Variants in MED26 observed in about 807,000 individuals in gnomAD.
MED26 encodes the protein mediator of RNA polymerase II transcription subunit 26.
In MED26, 7 loss-of-function variants were observed where a neutral mutation model predicts 43.7. The observed-to-expected ratio is 0.16, with a 90% CI of 0.09 to 0.30. The LOEUF is 0.30. Among genes scored for constraint, MED26 ranks in the 10% least tolerant of loss-of-function variants. MED26 has a pLI of 1.00. For synonymous variants in MED26, 375 were observed against 371.1 expected (o/e 1.01, Z -0.12); for missense variants, 784 against 840.6 (o/e 0.93, Z 0.83).
Position 16,598,200 on chromosome 19 carries a change from G to A in MED26, c.73-19791C>T, listed in dbSNP as rs183491481. On this transcript the variant is annotated intron_variant, in intron 1 of 2. Transcript: ENST00000263390. ...AAATAAAAAAAAATTAGCCGGGCGA[G>A]GTGGTGCACATCTGTAATTCCAGCT... Among the ~76,000 whole-genome samples the A allele has an allele frequency of 2.2e-4, 33 of 151,856 alleles. 1 individual carries two copies. In the East Asian group the frequency reaches 2.8e-3, roughly 13 times the overall value.
chr19:16,619,614 G>C (rs1341045141), intron 1 of MED26, among the ~76,000 whole-genome samples: 1 of 152,128 alleles, frequency 6.6e-6, no homozygotes, highest in Non-Finnish European at 1.5e-5. Context: ...CAGTGGGGCT[G>C]CCAGGGCCTG....
Position 16,576,722 on chromosome 19 carries a change from C to T in MED26, c.1108G>A (p.Ala370Thr), listed in dbSNP as rs1161946420. ...LSPAEPLLSR[A>T]GFSPDSSKAD... is the part of the protein sequence containing the mutation. ...TTGGAGGAGTCTGGGGAAAAGCCTGCCCGGGACAGGAGGGGCTCGGCTGGG... is the reference window on the plus strand; with the variant it reads ...TTGGAGGAGTCTGGGGAAAAGCCTGTCCGGGACAGGAGGGGCTCGGCTGGG... Residue 370 changes from alanine to threonine, a missense_variant, in exon 3 of 3, where the codon GCA (alanine) becomes ACA (threonine). Ala to Thr is a moderately conservative substitution (Grantham distance 58). Around this residue, in one of 3 missense-constraint regions of MED26, gnomAD observed 719 missense variants for 730.9 expected, o/e 0.98. Coordinates refer to ENST00000263390, the MANE Select transcript of MED26 (RefSeq NM_004831.5). This position sits in a 1 kb window ranked among gnomAD's most constrained non-coding sequence, Gnocchi z 6.8. 1.2e-6 allele frequency: 2 copies of T among 1,612,174 alleles called. No individual in the cohort carries two copies. The highest frequency in any genetic ancestry group is 1.7e-5 in the Admixed American group (1 of 60,018).
At chr19:16,581,358 TGAG>T (rs1449824829) in intron 1 of MED26, among the ~76,000 whole-genome samples, 1 of 152,202 alleles carries the variant, frequency 6.6e-6, no homozygotes, top group South Asian at 2.1e-4. Context: ...GACTGTGCGA[TGAG>T]GAGGCCAGTC....
At chr19:16,584,509 A>G (rs768792062) in intron 1 of MED26, among the ~76,000 whole-genome samples, 2 of 152,276 alleles carry the variant, frequency 1.3e-5, no homozygotes, top group East Asian at 1.9e-4. Flanking sequence ...GGGAGGGGCC[A>G]GCACCCCTCA....
chr19:16,604,806 C>G (rs754813500), intron 1 of MED26, among the ~76,000 whole-genome samples: 6 of 152,230 alleles, frequency 3.9e-5, no homozygotes, highest in Non-Finnish European at 7.3e-5. Context: ...GATTGCGCCA[C>G]CCCTACCCCT....
chr19:16,615,971 G>C (rs2086224457), intron 1 of MED26, among the ~76,000 whole-genome samples: 1 of 152,184 alleles, frequency 6.6e-6, no homozygotes, highest in African/African-American at 2.4e-5. Context: ...TGGGTCACAG[G>C]TCTGTCTCTG....
intron 1 of MED26, among the ~76,000 whole-genome samples, chr19:16,627,370 G>A (rs545403167): frequency 1.3e-5 from 2 of 152,212 alleles, no homozygotes; most frequent in East Asian, 3.9e-4. Context: ...CCGAAGCCAG[G>A]AAGGTGCTGC....
rs763199272 is a variant in MED26 at position 16,577,005 on chromosome 19, A to C, written c.825T>G (p.Pro275=). Residue 275 remains proline (P), a synonymous_variant, in exon 3 of 3, where the codon CCT becomes CCG. Transcript: ENST00000263390. This position sits in a 1 kb window ranked among gnomAD's most constrained non-coding sequence, Gnocchi z 8.1. ...AGGAGCCCTCATGCCGTGAGTTCCGAGGACTGAAAGAGCAGCGAGGGGGTC... is the reference window on the plus strand; with the variant it reads ...AGGAGCCCTCATGCCGTGAGTTCCGCGGACTGAAAGAGCAGCGAGGGGGTC... ...PKGPPRCSFS[P]RNSRHEGSFA... 9 of 1,608,036 alleles carry C rather than the reference A, an allele frequency of 5.6e-6. No individual in the cohort carries two copies. In the South Asian group the frequency reaches 8.8e-5, roughly 16 times the overall value.
rs535707363 is a variant in MED26, at chr19:16,582,586, C to A, written c.73-4177G>T. Among the ~76,000 whole-genome samples the A allele has an allele frequency of 2.0e-5, 3 of 152,302 alleles. No individual in the cohort carries two copies. The East Asian group carries it at 5.8e-4, about 29-fold the overall frequency. On this transcript the variant is annotated intron_variant, in intron 1 of 2. Transcript: ENST00000263390. Reference sequence around the variant, plus strand: ...GGTCTCCCACTCTCATGGAGGTGGCCCTCTGTGAGTGACAGAGACACCAGG... The same window carrying A: ...GGTCTCCCACTCTCATGGAGGTGGCACTCTGTGAGTGACAGAGACACCAGG...
chr19:16,605,206 G>A (rs1354434333), intron 1 of MED26, among the ~76,000 whole-genome samples: 2 of 152,190 alleles, frequency 1.3e-5, no homozygotes, highest in Admixed American at 1.3e-4. Flanking sequence ...GTTTAATGAG[G>A]GACTTCCACT....
At chr19:16,608,812 T>C (rs1457598715) in intron 1 of MED26, among the ~76,000 whole-genome samples, 2 of 152,216 alleles carry the variant, frequency 1.3e-5, no homozygotes, top group African/African-American at 4.8e-5. Flanking sequence ...ATTTACTATC[T>C]GGCCCTTTAC....
At chr19:16,604,912 T>C (rs932110701) in intron 1 of MED26, among the ~76,000 whole-genome samples, 11 of 152,198 alleles carry the variant, frequency 7.2e-5, no homozygotes, top group Non-Finnish European at 1.6e-4. Context: ...CATCTGTTCA[T>C]ATGGGTGCTG....
Position 16,576,542 on chromosome 19 carries a change from T to C in MED26, c.1288A>G (p.Met430Val). ...GTCAGAGGTTTGATCTGTCTCGTCA[T>C]GGGGTCAAAGGTGAGCTTCCGCTCT... The part of the protein sequence containing the change: ...LKERKLTFDP[M>V]TRQIKPLTQK... The change falls in exon 3 of 3, where the codon ATG (methionine) becomes GTG (valine). Residue 430 changes from methionine to valine, a missense_variant. By Grantham distance (21) the Met-to-Val change is conservative. Transcript: ENST00000263390. This position sits in a 1 kb window ranked among gnomAD's most constrained non-coding sequence, Gnocchi z 6.8. The C allele has an allele frequency of 3.7e-6, 6 of 1,614,206 alleles. No homozygotes were observed. Among genetic ancestry groups the C allele is most frequent in the South Asian group, 1.1e-5 (1 of 91,082 alleles).
intron 1 of MED26, among the ~76,000 whole-genome samples, chr19:16,580,289 G>C (rs1174918309): frequency 1.3e-5 from 2 of 152,126 alleles, no homozygotes; most frequent in Non-Finnish European, 2.9e-5. Flanking sequence ...TCAGAAATCA[G>C]GTCTGAGTCT....
chr19:16,605,296 G>C (rs1362838712), intron 1 of MED26, among the ~76,000 whole-genome samples: 1 of 152,222 alleles, frequency 6.6e-6, no homozygotes, highest in Non-Finnish European at 1.5e-5. Flanking sequence ...AATTGTTGGA[G>C]GTAGAATCAG....
intron 1 of MED26, among the ~76,000 whole-genome samples, chr19:16,608,018 G>A (rs976761987): frequency 2.6e-5 from 4 of 152,244 alleles, no homozygotes; most frequent in South Asian, 2.1e-4. Context: ...CCTGAAGCCC[G>A]GCAAGCAGGC....
intron 1 of MED26, chr19:16,610,844 T>A (rs960485515): frequency 2.6e-5 from 4 of 152,126 alleles, no homozygotes; most frequent in African/African-American, 9.7e-5. Context: ...GGGCTCTGTA[T>A]AATGGGTGGC....
chr19:16,617,917 G>A (rs565398587), intron 1 of MED26, among the ~76,000 whole-genome samples: 8 of 152,286 alleles, frequency 5.3e-5, no homozygotes, highest in East Asian at 1.9e-4. Flanking sequence ...GCCCGTTTCC[G>A]TCACGGCCAG....
intron 1 of MED26, among the ~76,000 whole-genome samples, chr19:16,617,460 G>A (rs1445817405): frequency 6.6e-6 from 1 of 152,148 alleles, no homozygotes. Flanking sequence ...TCCGGAACTG[G>A]AAACTAGAAA....
Sources: allele counts gnomAD v4.1 joint callset (sites outside exome capture counted in the v4.1 genomes callset), GRCh38; gene constraint gnomAD v4.1.1; regional missense constraint gnomAD v4.1.1; non-coding constraint Gnocchi (gnomAD v3.1); transcripts MANE v1.5; gene names NCBI Gene and HGNC (gene_info 2026-07-23, HGNC 2026-07-21).